The following PMM1 variants were observed in gnomAD, a reference collection of about 807,000 sequenced individuals.
PMM1 encodes brain glucose-1,6-bisphosphatase.
Under a neutral mutation model 34.0 loss-of-function variants are expected in PMM1, and 25 were observed. That is an observed-to-expected ratio of 0.73 (90% CI 0.54 to 1.03). The LOEUF is 1.03. Ranked by LOEUF, PMM1 falls within the 50% of genes least tolerant of loss-of-function variation. PMM1 has a pLI of 0.00. For missense variants in PMM1, 321 were observed against 350.1 expected (o/e 0.92, Z 0.66); for synonymous variants, 134 against 143.9 (o/e 0.93, Z 0.49).
At position 41,577,156 on chromosome 22, in the gene PMM1, G is replaced by T; in HGVS notation, c.*162C>A. 1 of 913,594 alleles carries T rather than the reference G, an allele frequency of 1.1e-6. No homozygotes were observed. Among genetic ancestry groups the T allele is most frequent in the Non-Finnish European group, 1.7e-6 (1 of 579,204 alleles). 56.6% of individuals were successfully genotyped at this position (913,594 alleles called of 1,614,324 possible). ...AGCCAGTGCCACTAGGAGCAGACTGGCTGGGGACGGTTGTCCACACAGACT... is the reference window on the plus strand; with the variant it reads ...AGCCAGTGCCACTAGGAGCAGACTGTCTGGGGACGGTTGTCCACACAGACT... On this transcript the variant is annotated 3_prime_UTR_variant, in exon 8 of 8. Coordinates refer to ENST00000216259, the MANE Select transcript of PMM1 (RefSeq NM_002676.3).
intron 1 of PMM1, chr22:41,588,909 G>C (rs1569059053): frequency 1.7e-6 from 2 of 1,177,824 alleles, no homozygotes; most frequent in Non-Finnish European, 2.2e-6. Context: ...GGGAGGGCAT[G>C]AATGAAGCCT....
At chr22:41,577,590 T>G in intron 7 of PMM1, 150 bp from the exon 8 acceptor site, 2 of 974,552 alleles carry the variant, frequency 2.1e-6, no homozygotes, top group Non-Finnish European at 3.1e-6. Context: ...ACTTGCTGTG[T>G]GATGTAGAAC....
intron 2 of PMM1, chr22:41,585,462 CTTTT>C (rs1431694787): frequency 2.2e-4 from 32 of 143,636 alleles, no homozygotes; most frequent in African/African-American, 8.3e-4. Flanking sequence ...TGGTTCTGCC[CTTTT>C]ATTTATTTAT....
intron 3 of PMM1, 38 bp downstream of exon 3, chr22:41,584,489 A>T: frequency 6.3e-7 from 1 of 1,590,560 alleles, no homozygotes; most frequent in Non-Finnish European, 8.6e-7. Flanking sequence ...ACTATGGAAA[A>T]GTGGGGTGCC....
At chr22:41,586,242 G>C in intron 1 of PMM1, 49 bp from the exon 2 acceptor site, 1 of 1,597,520 alleles carries the variant, frequency 6.3e-7, no homozygotes, top group East Asian at 2.2e-5. Context: ...AACATGTCTG[G>C]GACCTCCACT....
In PMM1 at chr22:41,587,279, A is replaced by C. The variant is rs566804334; in HGVS notation, c.88-1086T>G. ...AGCGAGACTCCGTCTCAAAAAAAAA[A>C]AGAAAAAAAAATTAGCTGGGCGTGG... On this transcript the variant is annotated intron_variant, in intron 1 of 7. Transcript: ENST00000216259. 3.5e-4 allele frequency among the ~76,000 whole-genome samples: 53 copies of C among 151,638 alleles called. 1 individual carries two copies. The South Asian group carries it at 0.011, about 31-fold the overall frequency.
At chr22:41,579,587 C>T (rs945514017) in intron 5 of PMM1, 2 of 152,518 alleles carry the variant, frequency 1.3e-5, no homozygotes, top group South Asian at 2.1e-4. Context: ...CAGAGGGTCT[C>T]GAGACCGGGC....
intron 1 of PMM1, chr22:41,589,306 T>C: frequency 2.3e-6 from 1 of 436,004 alleles, no homozygotes; most frequent in South Asian, 1.8e-5. Flanking sequence ...CTTGTGTGCC[T>C]GGAACCCCGG....
chr22:41,588,073 G>A (rs1264636331), intron 1 of PMM1, among the ~76,000 whole-genome samples: 4 of 152,146 alleles, frequency 2.6e-5, no homozygotes, highest in African/African-American at 9.7e-5. Context: ...TGTTTGAGAC[G>A]GAGTTTCACT....
At chr22:41,580,704 C>G (rs950959045) in intron 5 of PMM1, 1 of 152,152 alleles carries the variant, frequency 6.6e-6, no homozygotes, top group Admixed American at 6.6e-5. Context: ...TCCCCGTGGC[C>G]GGGCGCAGCG....
chr22:41,577,960 G>C, intron 6 of PMM1, 37 bp from the exon 7 acceptor site: 1 of 1,485,364 alleles, frequency 6.7e-7, no homozygotes, highest in Non-Finnish European at 9.4e-7. Context: ...TCCCTGCTGG[G>C]AGGGGCAGAC....
At chr22:41,578,155 C>T (rs1441040305) in intron 6 of PMM1, among the ~76,000 whole-genome samples, 1 of 152,026 alleles carries the variant, frequency 6.6e-6, no homozygotes, top group Non-Finnish European at 1.5e-5. Context: ...TCAGGGGAGA[C>T]CTCTGAGGAG....
At chr22:41,577,766 T>C in intron 7 of PMM1, 42 bp downstream of exon 7, 1 of 1,468,692 alleles carries the variant, frequency 6.8e-7, no homozygotes, top group Non-Finnish European at 9.5e-7. Flanking sequence ...GGCTTCTCAC[T>C]GTCCACTGCG....
chr22:41,587,724 C>G (rs1038925572), intron 1 of PMM1, among the ~76,000 whole-genome samples: 1 of 152,178 alleles, frequency 6.6e-6, no homozygotes, highest in Non-Finnish European at 1.5e-5. Context: ...AATATTTGCT[C>G]TGGGCAAATA....
At chr22:41,577,975 C>T in intron 6 of PMM1, 52 bp from the exon 7 acceptor site, 1 of 1,340,352 alleles carries the variant, frequency 7.5e-7, no homozygotes, top group East Asian at 2.3e-5. Context: ...GCAGACAAGG[C>T]TAACAGAAGG....
chr22:41,577,657 C>A (rs1022183709), intron 7 of PMM1, 151 bp downstream of exon 7: 12 of 754,450 alleles, frequency 1.6e-5, no homozygotes, highest in Non-Finnish European at 2.4e-5. Flanking sequence ...GGCTGGTGAG[C>A]AATGGTTGTT....
rs752746476 is a variant in PMM1, at chr22:41,577,858, C to G, written c.616G>C (p.Asp206His). Residue 206 changes from aspartate to histidine, a missense_variant, in exon 7 of 8, where the codon GAC (aspartate) becomes CAC (histidine). By Grantham distance (81) the Asp-to-His change is moderately conservative. Transcript: ENST00000216259. Reference protein sequence around the residue: ...WDKRYCLDSLDQDSFDTIHFF... With the variant: ...WDKRYCLDSLHQDSFDTIHFF... ...TGGATGGTGTCGAAGCTGTCCTGGT[C>G]CAGGCTATCCAGGCAGTAGCGCTTG... 1 of 1,613,486 alleles carries G rather than the reference C, an allele frequency of 6.2e-7. No homozygotes were observed. The highest frequency in any genetic ancestry group is 1.1e-5 in the South Asian group (1 of 91,074).
intron 2 of PMM1, 57 bp from the exon 3 acceptor site, chr22:41,584,660 C>G: frequency 7.6e-7 from 1 of 1,307,814 alleles, no homozygotes; most frequent in Non-Finnish European, 1.1e-6. Flanking sequence ...CGTCTGTGAC[C>G]CCACGGGCAA....
At chr22:41,581,051 G>C (rs1403147493) in intron 5 of PMM1, among the ~76,000 whole-genome samples, 1 of 140,198 alleles carries the variant, frequency 7.1e-6, no homozygotes, top group Non-Finnish European at 1.5e-5. Flanking sequence ...GGAGGCAGAG[G>C]TTGCAGCGAG....
Sources: gnomAD v4.1 joint callset for allele counts (sites outside exome capture counted in the v4.1 genomes callset) on GRCh38, gnomAD v4.1.1 for gene constraint, MANE v1.5 for transcripts, NCBI Gene and HGNC (gene_info 2026-07-23, HGNC 2026-07-21) for gene names.